The following SLC49A4 variants were observed in gnomAD, a reference collection of about 807,000 sequenced individuals.
SLC49A4 encodes disrupted in renal cancer protein 2.
SLC49A4 carries 36 observed loss-of-function variants against 50.6 expected under a neutral mutation model. The observed-to-expected ratio is 0.71, with a 90% CI of 0.55 to 0.94. The LOEUF is 0.94. Ranked by LOEUF, SLC49A4 falls within the 40% of genes least tolerant of loss-of-function variation. The pLI is 0.00. For synonymous variants in SLC49A4, 248 were observed against 241.2 expected, an observed-to-expected ratio of 1.03 and a Z score of -0.26; for missense variants, 503 against 605.7, an observed-to-expected ratio of 0.83 and a Z score of 1.78.
chr3:122,798,970 T>G (rs908384376), intron 1 of SLC49A4, among the ~76,000 whole-genome samples: 1 of 152,072 alleles, frequency 6.6e-6, no homozygotes, highest in Non-Finnish European at 1.5e-5. Flanking sequence ...GGAGACTGTT[T>G]ATCTTCCTAA....
At chr3:122,867,700 G>A (rs1937136693) in intron 7 of SLC49A4, among the ~76,000 whole-genome samples, 1 of 152,186 alleles carries the variant, frequency 6.6e-6, no homozygotes, top group Admixed American at 6.5e-5. Context: ...AATGTATTCA[G>A]GCTAGGCACG....
chr3:122,806,302 T>G (rs1008605569), intron 1 of SLC49A4, among the ~76,000 whole-genome samples: 1 of 152,212 alleles, frequency 6.6e-6, no homozygotes, highest in Non-Finnish European at 1.5e-5. Flanking sequence ...TTTGAAAAAT[T>G]AGAGCTAATA....
At chr3:122,859,919 C>A (rs1438801516) in intron 6 of SLC49A4, among the ~76,000 whole-genome samples, 156 bp from the exon 7 acceptor site, 1 of 152,018 alleles carries the variant, frequency 6.6e-6, no homozygotes, top group African/African-American at 2.4e-5. Flanking sequence ...CACAAAGTAA[C>A]ATCATACAAG....
At chr3:122,814,828 G>A (rs573862756) in intron 2 of SLC49A4, among the ~76,000 whole-genome samples, 24 of 151,644 alleles carry the variant, frequency 1.6e-4, no homozygotes, top group African/African-American at 5.3e-4. Flanking sequence ...GCTGTCATTC[G>A]TGTTAGTGTA....
At chr3:122,854,022 C>T (rs1299879017) in intron 5 of SLC49A4, among the ~76,000 whole-genome samples, 3 of 152,100 alleles carry the variant, frequency 2.0e-5, no homozygotes, top group Non-Finnish European at 4.4e-5. Flanking sequence ...TCTGAAAGTA[C>T]CAGCATCAGT....
chr3:122,811,036 C>T (rs1026603895), intron 2 of SLC49A4, among the ~76,000 whole-genome samples: 9 of 152,114 alleles, frequency 5.9e-5, no homozygotes, highest in Admixed American at 5.9e-4. Context: ...AATTAAGACA[C>T]AAGTCCCAGA....
intron 3 of SLC49A4, 38 bp from the exon 4 acceptor site, chr3:122,833,279 G>C: frequency 5.0e-6 from 8 of 1,594,198 alleles, no homozygotes; most frequent in Non-Finnish European, 6.8e-6. Flanking sequence ...AACTTTTTGT[G>C]TTTCCTGGTT....
intron 5 of SLC49A4, among the ~76,000 whole-genome samples, chr3:122,853,056 G>T (rs1936944557): frequency 6.6e-6 from 1 of 152,066 alleles, no homozygotes; most frequent in South Asian, 2.1e-4. Flanking sequence ...CTTTAGACTG[G>T]GTAATTTATA....
intron 3 of SLC49A4, among the ~76,000 whole-genome samples, chr3:122,833,094 A>T (rs1471629919): frequency 6.6e-6 from 1 of 152,078 alleles, no homozygotes; most frequent in African/African-American, 2.4e-5. Flanking sequence ...AATAAAAATT[A>T]GCCTGGTATG....
At chr3:122,834,654 T>C (rs1356744183) in intron 4 of SLC49A4, among the ~76,000 whole-genome samples, 1 of 150,000 alleles carries the variant, frequency 6.7e-6, no homozygotes, top group Non-Finnish European at 1.5e-5. Flanking sequence ...CTCAAGAAAC[T>C]AGAGAAACAA....
Position 122,872,475 on chromosome 3 carries a change from T to G in SLC49A4, c.1199T>G (p.Phe400Cys). The change falls in exon 8 of 9, where the codon TTT becomes TGT. Residue 400 changes from phenylalanine to cysteine, a missense_variant. Coordinates refer to ENST00000261038, the MANE Select transcript of SLC49A4 (RefSeq NM_032839.3). ...GVFLNSSVPI[F>C]FELFVETVYP... The stretch of plus-strand genomic sequence containing the variant: ...TTCTTGAATAGCAGCGTGCCTATAT[T>G]TTTTGAGCTTTTTGTGGAAACTGTC... 2.5e-6 allele frequency: 4 copies of G among 1,613,994 alleles called. No homozygotes were observed. Among genetic ancestry groups the G allele is most frequent in the Non-Finnish European group, 3.4e-6 (4 of 1,179,880 alleles).
chr3:122,852,209 C>T (rs1332181933), intron 5 of SLC49A4, among the ~76,000 whole-genome samples: 1 of 152,100 alleles, frequency 6.6e-6, no homozygotes, highest in Non-Finnish European at 1.5e-5. Context: ...CCAGGCTGGT[C>T]TCAAACTCCT....
intron 2 of SLC49A4, among the ~76,000 whole-genome samples, chr3:122,818,129 G>T (rs1049901440): frequency 6.6e-6 from 1 of 152,138 alleles, no homozygotes; most frequent in Non-Finnish European, 1.5e-5. Flanking sequence ...CAAATAAGTT[G>T]TTGGAAACAA....
chr3:122,839,441 G>A (rs912068768), intron 4 of SLC49A4, among the ~76,000 whole-genome samples: 1 of 152,028 alleles, frequency 6.6e-6, no homozygotes, highest in African/African-American at 2.4e-5. Context: ...AATCATCAGA[G>A]TAAACAAACA....
rs1937041641 is a variant in SLC49A4, at chr3:122,860,171, G to C, written c.1107G>C (p.Leu369Phe). The C allele has an allele frequency of 1.2e-6, 2 of 1,611,356 alleles. No individual in the cohort carries two copies. The highest frequency in any genetic ancestry group is 1.3e-5 in the African/African-American group (1 of 74,772). ...LSSTWFTLTC[L>F]NSITHLPLTT... ...CCACGTGGTTCACCCTGACCTGTTT[G>C]AACAGCATCACACACCTACCTTTAA... Residue 369 changes from leucine (L) to phenylalanine (F), a missense_variant, in exon 7 of 9, where the codon TTG (leucine) becomes TTC (phenylalanine). Physicochemically the swap from Leu to Phe is conservative, Grantham distance 22. Transcript: ENST00000261038.
chr3:122,847,154 A>G (rs189060401), intron 5 of SLC49A4, among the ~76,000 whole-genome samples: 4 of 152,156 alleles, frequency 2.6e-5, no homozygotes, highest in Non-Finnish European at 4.4e-5. Context: ...GTGTAGACCC[A>G]TTATAAACAA....
intron 5 of SLC49A4, among the ~76,000 whole-genome samples, chr3:122,850,348 C>T (rs1003190734): frequency 1.3e-5 from 2 of 152,078 alleles, no homozygotes; most frequent in African/African-American, 2.4e-5. Flanking sequence ...TGTCTTTTGT[C>T]GCCAAAGTTG....
At chr3:122,845,607 G>GTTTTTTTTT (rs35604258) in intron 4 of SLC49A4, among the ~76,000 whole-genome samples, 156 bp from the exon 5 acceptor site, 1 of 97,442 alleles carries the variant, frequency 1.0e-5, no homozygotes, top group Non-Finnish European at 2.0e-5. Context: ...TTTCCAGCAC[G>GTTTTTTTTT]TTTTTTTTTT....
chr3:122,826,542 G>A (rs756361090), intron 2 of SLC49A4, among the ~76,000 whole-genome samples: 5 of 152,172 alleles, frequency 3.3e-5, no homozygotes, highest in Non-Finnish European at 5.9e-5. Context: ...TTAGTTTGAT[G>A]TGTGGCACAA....
Sources: allele counts gnomAD v4.1 joint callset (sites outside exome capture counted in the v4.1 genomes callset), GRCh38; gene constraint gnomAD v4.1.1; transcripts MANE v1.5; gene names NCBI Gene and HGNC (gene_info 2026-07-23, HGNC 2026-07-21).